Variants in ZNF622 observed in about 807,000 individuals in gnomAD.
ZNF622 encodes zinc finger protein 622.
ZNF622 carries 34 observed loss-of-function variants against 49.7 expected under a neutral mutation model. That is an observed-to-expected ratio of 0.68 (90% CI 0.52 to 0.91). The LOEUF is 0.91. ZNF622 is among the 40% of genes least tolerant of loss of function. ZNF622 has a pLI of 0.00. For missense variants in ZNF622, 569 were observed against 616.4 expected (o/e 0.92, Z 0.81); for synonymous variants, 209 against 228.7 (o/e 0.91, Z 0.78).
chr5:16,465,353 T>C lies in ZNF622; in HGVS notation c.313A>G (p.Lys105Glu). 6.2e-7 allele frequency: 1 copy of C among 1,614,274 alleles called. No individual in the cohort carries two copies. Among genetic ancestry groups the C allele is most frequent in the Non-Finnish European group, 8.5e-7 (1 of 1,180,048 alleles). ...TTCTTTTCATTCATCATCTCCACTT[T>C]CCGATTCACTGCCTGCACGGCCTTC... ...EKKAVQAVNR[K>E]VEMMNEKNLE... Residue 105 changes from lysine to glutamate, a missense_variant, in exon 1 of 6, where the codon AAA becomes GAA. Transcript: ENST00000308683. This position sits in a 1 kb window ranked among gnomAD's most constrained non-coding sequence, Gnocchi z 6.2.
chr5:16,454,252 C>T (rs1737984446), intron 4 of ZNF622, among the ~76,000 whole-genome samples: 1 of 152,000 alleles, frequency 6.6e-6, no homozygotes, highest in South Asian at 2.1e-4. Context: ...CTTTGGGAGT[C>T]CTAGGTGGAC....
Position 16,463,529 on chromosome 5 carries a change from G to C in ZNF622, c.839C>G (p.Pro280Arg). Residue 280 changes from proline to arginine, a missense_variant, in exon 2 of 6, where the codon CCT becomes CGT. Transcript: ENST00000308683. The surrounding 1 kb of genome is among the most constrained non-coding windows in gnomAD (Gnocchi z 4.2). Reference sequence around the variant, plus strand: ...AATATCTGAAAGATATTCTATATCAGGAATAAAGAAACTGTGGTCTTTGGT... The same window carrying C: ...AATATCTGAAAGATATTCTATATCACGAATAAAGAAACTGTGGTCTTTGGT... Reference protein sequence around the residue: ...HMTKDHSFFIPDIEYLSDIKG... With the variant: ...HMTKDHSFFIRDIEYLSDIKG... 6.2e-7 allele frequency: 1 copy of C among 1,613,376 alleles called. No homozygotes were observed. The highest frequency in any genetic ancestry group is 1.3e-5 in the African/African-American group (1 of 74,988).
At position 16,463,528 on chromosome 5, in the gene ZNF622, A is replaced by G. The variant is rs369403055; in HGVS notation, c.840T>C (p.Pro280=). 36 of 1,613,430 alleles carry G rather than the reference A, an allele frequency of 2.2e-5. No individual in the cohort carries two copies. The African/African-American group carries it at 4.8e-4, about 21-fold the overall frequency. ...TAATATCTGAAAGATATTCTATATC[A>G]GGAATAAAGAAACTGTGGTCTTTGG... is the stretch of plus-strand genomic sequence containing the variant. ...HMTKDHSFFI[P]DIEYLSDIKG... is the part of the protein sequence containing the mutation. Residue 280 remains proline, a synonymous_variant, in exon 2 of 6, where the codon CCT becomes CCC. Transcript: ENST00000308683. The surrounding 1 kb of genome is among the most constrained non-coding windows in gnomAD (Gnocchi z 4.2).
rs1195056351 is a variant in ZNF622 at position 16,463,425 on chromosome 5, A to G, written c.886+57T>C. The G allele has an allele frequency of 2.6e-6, 4 of 1,545,396 alleles. No homozygotes were observed. The highest frequency in any genetic ancestry group is 3.5e-6 in the Non-Finnish European group (4 of 1,138,594). On this transcript the variant is annotated intron_variant, in intron 2 of 5. Coordinates refer to ENST00000308683, the MANE Select transcript of ZNF622 (RefSeq NM_033414.3). The surrounding 1 kb of genome is among the most constrained non-coding windows in gnomAD (Gnocchi z 4.2). ...AATGCAAAACTAATGTTCCCTTGAG[A>G]CCAGTCCCCCAATAATGTGATTATT...
Position 16,463,205 on chromosome 5 carries a change from T to C in ZNF622, c.952A>G (p.Thr318Ala), listed in dbSNP as rs1436152203. Residue 318 changes from threonine (T) to alanine (A), a missense_variant, in exon 3 of 6, where the codon ACA (threonine) becomes GCA (alanine). Physicochemically the swap from Thr to Ala is moderately conservative, Grantham distance 58. Coordinates refer to ENST00000308683, the MANE Select transcript of ZNF622 (RefSeq NM_033414.3). The surrounding 1 kb of genome is among the most constrained non-coding windows in gnomAD (Gnocchi z 4.2). ...TTCATATGTGCCTGTACAGCTTCTGTGGAGTAGAAGGACTTCCCTTTCTCG... is the reference window on the plus strand; with the variant it reads ...TTCATATGTGCCTGTACAGCTTCTGCGGAGTAGAAGGACTTCCCTTTCTCG... ...CNEKGKSFYS[T>A]EAVQAHMNDK... The C allele has an allele frequency of 6.2e-7, 1 of 1,613,910 alleles. No homozygotes were observed. The highest frequency in any genetic ancestry group is 8.5e-7 in the Non-Finnish European group (1 of 1,179,970).
chr5:16,464,383 C>T (rs995502722), intron 1 of ZNF622, among the ~76,000 whole-genome samples: 1 of 152,198 alleles, frequency 6.6e-6, no homozygotes, highest in African/African-American at 2.4e-5. Flanking sequence ...CAGACACTGA[C>T]TCTGCCAGCA....
rs765311418 is a variant in ZNF622 at position 16,465,498 on chromosome 5, G to C, written c.168C>G (p.Ala56=). ...AGCCCTTGCTCTCCTCCTCCGCGAC[G>C]GCCCGCTGCGCCCGCACTCGCTCCT... The part of the protein sequence containing the change: ...GFQERVRAQR[A]VAEEESKGSA... The change falls in exon 1 of 6, where the codon GCC becomes GCG. Residue 56 remains alanine, a synonymous_variant. Coordinates refer to ENST00000308683, the MANE Select transcript of ZNF622 (RefSeq NM_033414.3). This position sits in a 1 kb window ranked among gnomAD's most constrained non-coding sequence, Gnocchi z 6.2. 6 of 1,614,176 alleles carry C rather than the reference G, an allele frequency of 3.7e-6. No homozygotes were observed. Among genetic ancestry groups the C allele is most frequent in the South Asian group, 1.1e-5 (1 of 91,088 alleles).
At chr5:16,453,559 T>TTA (rs58965299) in intron 4 of ZNF622, among the ~76,000 whole-genome samples, 7,102 of 65,286 alleles carry the variant, frequency 0.11, 568 homozygotes, top group Non-Finnish European at 0.14. Context: ...TAAATAAAAA[T>TTA]TATATATATA....
intron 4 of ZNF622, among the ~76,000 whole-genome samples, chr5:16,456,357 G>A (rs1437281079): frequency 1.3e-5 from 2 of 152,160 alleles, no homozygotes; most frequent in Non-Finnish European, 2.9e-5. Flanking sequence ...GAAGAGCAAC[G>A]AAGGAAACCC....
chr5:16,458,255 T>TAAAA (rs55760045), intron 4 of ZNF622, among the ~76,000 whole-genome samples: 10 of 119,304 alleles, frequency 8.4e-5, no homozygotes, highest in Admixed American at 6.0e-4. Context: ...GGTCTACATC[T>TAAAA]AAAAAAAAAA....
rs1282045843 is a variant in ZNF622 at position 16,463,813 on chromosome 5, C to G, written c.626-71G>C. 1 of 1,519,006 alleles carries G rather than the reference C, an allele frequency of 6.6e-7. No individual in the cohort carries two copies. The highest frequency in any genetic ancestry group is 1.4e-5 in the African/African-American group (1 of 72,700). 94.1% of individuals were successfully genotyped at this position (1,519,006 alleles called of 1,614,324 possible). On this transcript the variant is annotated intron_variant, in intron 1 of 5. Transcript: ENST00000308683. The surrounding 1 kb of genome is among the most constrained non-coding windows in gnomAD (Gnocchi z 4.2). ...CAAGCAAAGATATCACAAAAATTCA[C>G]GAGGTGATACAGTCCTATATTTGGA...
In ZNF622 at chr5:16,458,689, T is replaced by C. The variant is rs1388419265; in HGVS notation, c.1050-60A>G. 3 of 1,272,742 alleles carry C rather than the reference T, an allele frequency of 2.4e-6. No individual in the cohort carries two copies. The African/African-American group carries it at 4.5e-5, about 19-fold the overall frequency. The allele number at this position is 1,272,742 out of a possible 1,614,324, so 78.8% of individuals were successfully genotyped here. ...ATATCTCAAATTGAACTAAAAGACATAAACTCATTTGCAAATGTGGCAAAC... is the reference window on the plus strand; with the variant it reads ...ATATCTCAAATTGAACTAAAAGACACAAACTCATTTGCAAATGTGGCAAAC... On this transcript the variant is annotated intron_variant, in intron 3 of 5. Transcript: ENST00000308683.
chr5:16,451,522 G>T lies in ZNF622; in HGVS notation c.*135C>A. On this transcript the variant is annotated 3_prime_UTR_variant, in exon 6 of 6. Coordinates refer to ENST00000308683, the MANE Select transcript of ZNF622 (RefSeq NM_033414.3). ...AAAAACGACATCTGAAAACTCATAT[G>T]GTTCTAACTTTTATTATTAGGTCAG... 8.1e-7 allele frequency: 1 copy of T among 1,239,370 alleles called. No individual in the cohort carries two copies. The highest frequency in any genetic ancestry group is 1.1e-6 in the Non-Finnish European group (1 of 906,438). 76.8% of individuals were successfully genotyped at this position (1,239,370 alleles called of 1,614,324 possible). A position where few individuals can be genotyped will look rare whatever the true frequency, so the allele number is the denominator to read the frequency against.
rs879747026 is a variant in ZNF622, at chr5:16,460,560, C to CT, written c.1050-1932dup. On this transcript the variant is annotated intron_variant, in intron 3 of 5. Transcript: ENST00000308683. ...AGTTTTCTTTATTAAGCATTATCAACTTTTTTTTTTTTCCTTTTTTTCCCC... is the reference window on the plus strand; with the variant it reads ...AGTTTTCTTTATTAAGCATTATCAACTTTTTTTTTTTTTCCTTTTTTTCCCC... Among the ~76,000 whole-genome samples the CT allele has an allele frequency of 5.4e-3, 785 of 146,502 alleles. 5 individuals are homozygous for CT. Among genetic ancestry groups the CT allele is most frequent in the African/African-American group, 0.016 (634 of 40,200 alleles).
At position 16,465,426 on chromosome 5, in the gene ZNF622, G is replaced by GA; in HGVS notation, c.239_240insT (p.Ala81ArgfsTer13). The GA allele has an allele frequency of 6.2e-7, 1 of 1,614,242 alleles. No homozygotes were observed. Among genetic ancestry groups the GA allele is most frequent in the Non-Finnish European group, 8.5e-7 (1 of 1,180,044 alleles). On this transcript the variant is annotated frameshift_variant, in exon 1 of 6. Coordinates refer to ENST00000308683, the MANE Select transcript of ZNF622 (RefSeq NM_033414.3). LOFTEE classifies it high-confidence loss of function. The surrounding 1 kb of genome is among the most constrained non-coding windows in gnomAD (Gnocchi z 6.2). ...GGGACTTGAGGTGGTTCTCGTAGGC[G>GA]TTGAAAGAGGCAAACTTCTTACTGC...
At chr5:16,454,458 A>G (rs1408455236) in intron 4 of ZNF622, among the ~76,000 whole-genome samples, 2 of 126,524 alleles carry the variant, frequency 1.6e-5, no homozygotes, top group Non-Finnish European at 3.1e-5. Flanking sequence ...ACTGCACTCC[A>G]GCCTGGGCAA....
Position 16,465,225 on chromosome 5 carries a change from C to A in ZNF622, c.441G>T (p.Ala147=). 1 of 1,614,172 alleles carries A rather than the reference C, an allele frequency of 6.2e-7. No homozygotes were observed. Among genetic ancestry groups the A allele is most frequent in the Non-Finnish European group, 8.5e-7 (1 of 1,180,030 alleles). ...TGGCCTCCTTTGCAGGCGCTGGGGG[C>A]GCCTTCTTGGGAGACATGGACGGCT... ...KAQPSMSPKK[A]PPAPAKEARN... Residue 147 remains alanine, a synonymous_variant, in exon 1 of 6, where the codon GCG becomes GCT. Transcript: ENST00000308683. The surrounding 1 kb of genome is among the most constrained non-coding windows in gnomAD (Gnocchi z 6.2).
intron 5 of ZNF622, among the ~76,000 whole-genome samples, chr5:16,452,469 C>T (rs1464253526): frequency 2.6e-5 from 4 of 152,180 alleles, no homozygotes; most frequent in African/African-American, 4.8e-5. Context: ...AAAAAGGGGA[C>T]TGATAGCTAA....
intron 4 of ZNF622, among the ~76,000 whole-genome samples, chr5:16,455,285 T>C (rs1441821702): frequency 6.6e-6 from 1 of 152,196 alleles, no homozygotes; most frequent in Non-Finnish European, 1.5e-5. Flanking sequence ...TGGAAGTCTG[T>C]ATTTGCTTTT....
Sources: allele counts gnomAD v4.1 joint callset (sites outside exome capture counted in the v4.1 genomes callset), GRCh38; gene constraint gnomAD v4.1.1; non-coding constraint Gnocchi (gnomAD v3.1); transcripts MANE v1.5; gene names NCBI Gene and HGNC (gene_info 2026-07-23, HGNC 2026-07-21).